GNB4: variants seen among roughly 807,000 people sequenced by gnomAD.
The protein encoded by GNB4 is G protein subunit beta 4, also known as guanine nucleotide-binding protein subunit beta-4.
A neutral mutation model predicts 45.2 loss-of-function variants in GNB4; 28 were observed. The observed-to-expected ratio is 0.62, with a 90% CI of 0.46 to 0.85. GNB4 has a LOEUF of 0.85. Ranked by LOEUF, GNB4 falls within the 40% of genes least tolerant of loss-of-function variation. The pLI is 0.00. For synonymous variants in GNB4, 132 were observed against 143.7 expected, an observed-to-expected ratio of 0.92 and a Z score of 0.58; for missense variants, 321 against 425.4, an observed-to-expected ratio of 0.75 and a Z score of 2.16.
intron 4 of GNB4, among the ~76,000 whole-genome samples, chr3:179,417,367 C>T (rs1332411741): frequency 2.0e-5 from 3 of 151,278 alleles, no homozygotes; most frequent in African/African-American, 7.3e-5. Flanking sequence ...AGAGTATGAA[C>T]TCCTAAGTAA....
chr3:179,520,749 C>T, the GNB4 span, among the ~76,000 whole-genome samples: 1 of 152,280 alleles, frequency 6.6e-6, no homozygotes, highest in African/African-American at 2.4e-5. Context: ...CACCTGACCC[C>T]CATGATTGTA....
chr3:179,473,022 C>T, the GNB4 span, among the ~76,000 whole-genome samples: 30 of 152,020 alleles, frequency 2.0e-4, 1 homozygote, highest in Non-Finnish European at 4.3e-4. Flanking sequence ...AGTTAGCCAG[C>T]CATGGTGGCA....
intron 1 of GNB4, among the ~76,000 whole-genome samples, chr3:179,429,765 T>A (rs910422751): frequency 5.9e-5 from 9 of 152,182 alleles, no homozygotes; most frequent in African/African-American, 9.7e-5. Flanking sequence ...ATGGGGCATA[T>A]CAGTTCTACT....
At chr3:179,430,388 C>T (rs1192189478) in intron 1 of GNB4, among the ~76,000 whole-genome samples, 1 of 152,064 alleles carries the variant, frequency 6.6e-6, no homozygotes, top group African/African-American at 2.4e-5. Context: ...CTGTACCTGG[C>T]CCTTCCTTTC....
chr3:179,520,804 T>A, the GNB4 span, among the ~76,000 whole-genome samples: 1 of 152,158 alleles, frequency 6.6e-6, no homozygotes, highest in African/African-American at 2.4e-5. Context: ...CCAAATTTCC[T>A]TCTTTCCTGT....
At chr3:179,519,304 C>T in the GNB4 span, among the ~76,000 whole-genome samples, 2 of 152,216 alleles carry the variant, frequency 1.3e-5, no homozygotes, top group African/African-American at 4.8e-5. Context: ...CTGACTCCAT[C>T]CCAGATCTTC....
chr3:179,475,615 G>A, the GNB4 span, among the ~76,000 whole-genome samples: 1 of 151,816 alleles, frequency 6.6e-6, no homozygotes, highest in Non-Finnish European at 1.5e-5. Flanking sequence ...TGGGACTACA[G>A]GTGCATGCCA....
the GNB4 span, among the ~76,000 whole-genome samples, chr3:179,525,085 C>G: frequency 6.6e-6 from 1 of 151,964 alleles, no homozygotes; most frequent in Non-Finnish European, 1.5e-5. Flanking sequence ...AAGGAACAGA[C>G]AGGAGAGAAA....
At chr3:179,494,440 G>C in the GNB4 span, among the ~76,000 whole-genome samples, 2 of 151,834 alleles carry the variant, frequency 1.3e-5, no homozygotes, top group Non-Finnish European at 2.9e-5. Context: ...CAGGAGTATG[G>C]GGTGGGAGGA....
the GNB4 span, among the ~76,000 whole-genome samples, chr3:179,460,339 A>G: frequency 1.8e-4 from 27 of 152,358 alleles, no homozygotes; most frequent in African/African-American, 6.3e-4. Context: ...CTTATTTATA[A>G]TCAAAATCAG....
the GNB4 span, among the ~76,000 whole-genome samples, chr3:179,492,156 T>C: frequency 6.6e-6 from 1 of 152,150 alleles, no homozygotes; most frequent in Non-Finnish European, 1.5e-5. Context: ...CTTCCCTTTG[T>C]GGGAAAAAGG....
chr3:179,430,620 A>ATTTT (rs34316813), intron 1 of GNB4, among the ~76,000 whole-genome samples: 2 of 135,788 alleles, frequency 1.5e-5, no homozygotes, highest in South Asian at 4.8e-4. Context: ...TGCCTGGCTA[A>ATTTT]TTTTTTTTTT....
chr3:179,527,777 CGTGT>C, the GNB4 span, among the ~76,000 whole-genome samples: 5 of 122,148 alleles, frequency 4.1e-5, no homozygotes, highest in African/African-American at 1.5e-4. Context: ...CTGATAAGTG[CGTGT>C]GTGTATGTAT....
At chr3:179,432,770 A>G (rs1715343134) in intron 1 of GNB4, among the ~76,000 whole-genome samples, 1 of 152,222 alleles carries the variant, frequency 6.6e-6, no homozygotes, top group South Asian at 2.1e-4. Flanking sequence ...TTAAGGACAC[A>G]TTTTGACAGC....
intron 8 of GNB4, among the ~76,000 whole-genome samples, chr3:179,408,896 G>A (rs745650465): frequency 1.1e-4 from 17 of 150,886 alleles, no homozygotes; most frequent in Non-Finnish European, 2.4e-4. Context: ...CCTGAAATCC[G>A]AGCACTCTGG....
the GNB4 span, among the ~76,000 whole-genome samples, chr3:179,475,719 G>A: frequency 2.7e-4 from 41 of 152,030 alleles, no homozygotes; most frequent in South Asian, 2.1e-4. Context: ...TGATCTGCCC[G>A]CCTCAGCCTC....
the GNB4 span, among the ~76,000 whole-genome samples, chr3:179,525,169 C>T: frequency 5.9e-5 from 9 of 152,098 alleles, no homozygotes; most frequent in East Asian, 5.8e-4. Context: ...AATGCCTGGA[C>T]GTCGAGCACC....
chr3:179,402,058 C>T (rs534753064), intron 9 of GNB4, among the ~76,000 whole-genome samples: 5 of 152,256 alleles, frequency 3.3e-5, no homozygotes, highest in South Asian at 2.1e-4. Context: ...ATATCATTTT[C>T]GATCAATCAG....
chr3:179,498,744 G>GTGTT, the GNB4 span, among the ~76,000 whole-genome samples: 1 of 80,340 alleles, frequency 1.2e-5, no homozygotes, highest in East Asian at 7.0e-4. Context: ...GTTGGTTGAG[G>GTGTT]TTTGGTTTTT....
Sources: allele counts gnomAD v4.1 joint callset (sites outside exome capture counted in the v4.1 genomes callset), GRCh38; gene constraint gnomAD v4.1.1; transcripts MANE v1.5; gene names NCBI Gene and HGNC (gene_info 2026-07-23, HGNC 2026-07-21).